CDH4: variants seen among roughly 807,000 people sequenced by gnomAD.
CDH4 encodes the protein cadherin-4.
In CDH4, 33 loss-of-function variants were observed where a neutral mutation model predicts 86.0. That is an observed-to-expected ratio of 0.38 (90% confidence interval 0.29 to 0.51). CDH4 has a LOEUF of 0.51. Among genes scored for constraint, CDH4 ranks in the 20% least tolerant of loss-of-function variants. The pLI, the probability that CDH4 is intolerant of heterozygous loss-of-function variation, is 0.86. For missense variants in CDH4, 1,114 were observed against 1,307.4 expected (o/e 0.85, Z 2.28); for synonymous variants, 555 against 549.4 (o/e 1.01, Z -0.14).
At chr20:61,786,476 G>A (rs889237365) in intron 4 of CDH4, among the ~76,000 whole-genome samples, 1 of 152,124 alleles carries the variant, frequency 6.6e-6, no homozygotes, top group Non-Finnish European at 1.5e-5. Flanking sequence ...GGGTTGTGTG[G>A]TTTAATTGCT....
chr20:61,484,244 A>G (rs1222879080), intron 2 of CDH4, among the ~76,000 whole-genome samples: 2 of 152,142 alleles, frequency 1.3e-5, no homozygotes, highest in African/African-American at 2.4e-5. Context: ...CCACCATGCC[A>G]TGTACATTCC....
At chr20:61,897,514 C>A (rs1388878288) in intron 8 of CDH4, among the ~76,000 whole-genome samples, 1 of 151,988 alleles carries the variant, frequency 6.6e-6, no homozygotes, top group Non-Finnish European at 1.5e-5. Context: ...CACTAACCAA[C>A]ACTGACCAGC....
intron 2 of CDH4, among the ~76,000 whole-genome samples, chr20:61,487,753 T>A (rs2085604349): frequency 1.3e-5 from 2 of 152,190 alleles, no homozygotes; most frequent in Admixed American, 1.3e-4. Flanking sequence ...AAGCCCAACA[T>A]CTGGGTCTCC....
intron 2 of CDH4, among the ~76,000 whole-genome samples, chr20:61,473,441 G>A (rs865842715): frequency 7.2e-5 from 11 of 152,092 alleles, no homozygotes; most frequent in Non-Finnish European, 8.8e-5. Flanking sequence ...GAGCTTACGA[G>A]CCCCTCCAAT....
intron 2 of CDH4, among the ~76,000 whole-genome samples, chr20:61,279,778 C>T (rs2084248880): frequency 6.6e-6 from 1 of 152,216 alleles, no homozygotes; most frequent in African/African-American, 2.4e-5. Flanking sequence ...GTGCACCAAG[C>T]ACAGCACATC....
At chr20:61,361,488 AACAG>A (rs2084782896) in intron 2 of CDH4, among the ~76,000 whole-genome samples, 1 of 152,192 alleles carries the variant, frequency 6.6e-6, no homozygotes, top group South Asian at 2.1e-4. Context: ...CAGTGATCAA[AACAG>A]ACAACCAGAC....
rs1413920529 is a variant in CDH4, at chr20:61,355,303, T to C, written c.169+100366T>C. On this transcript the variant is annotated intron_variant, in intron 2 of 15. Coordinates refer to ENST00000614565, the MANE Select transcript of CDH4 (RefSeq NM_001794.5). The stretch of plus-strand genomic sequence containing the variant: ...AGGAACCGGACTCTCATTCCGCCTC[T>C]GCTGGCACAAAACTGTGGACTTAGA... Among the ~76,000 whole-genome samples the C allele has an allele frequency of 1.2e-4, 19 of 152,196 alleles. 1 individual carries two copies. The highest frequency in any genetic ancestry group is 1.2e-3 in the Admixed American group (19 of 15,280).
At chr20:61,893,060 G>A (rs114709673) in intron 7 of CDH4, among the ~76,000 whole-genome samples, 2,950 of 146,912 alleles carry the variant, frequency 0.02, 58 homozygotes, top group African/African-American at 0.05. Flanking sequence ...TGAATAGAGA[G>A]ATAGATGGAT....
intron 12 of CDH4, 55 bp downstream of exon 12, chr20:61,928,478 T>G: frequency 2.0e-6 from 3 of 1,493,406 alleles, no homozygotes; most frequent in Non-Finnish European, 2.8e-6. Context: ...TGCAGGCCCC[T>G]GGGAGACCCA....
At chr20:61,483,108 G>A (rs2145580822) in intron 2 of CDH4, among the ~76,000 whole-genome samples, 1 of 152,322 alleles carries the variant, frequency 6.6e-6, no homozygotes, top group Admixed American at 6.5e-5. Flanking sequence ...TCTTCCCCCT[G>A]GAGCTGCTGA....
At chr20:61,347,814 T>G (rs2084688598) in intron 2 of CDH4, among the ~76,000 whole-genome samples, 2 of 152,232 alleles carry the variant, frequency 1.3e-5, no homozygotes, top group Admixed American at 6.5e-5. Context: ...CAACTTCAGC[T>G]GATTTGAATT....
intron 7 of CDH4, among the ~76,000 whole-genome samples, chr20:61,874,479 C>G (rs1983935810): frequency 6.6e-6 from 1 of 152,176 alleles, no homozygotes; most frequent in Admixed American, 6.5e-5. Flanking sequence ...GTGACAGAGG[C>G]CTCCCTCCAC....
chr20:61,326,382 A>G lies in CDH4; in HGVS notation c.169+71445A>G, dbSNP rs542619577. Reference sequence around the variant, plus strand: ...AAAATGTTATTTTATGAAATACACAACACTCTTTCCAATATGTTGTGTGGC... The same window carrying G: ...AAAATGTTATTTTATGAAATACACAGCACTCTTTCCAATATGTTGTGTGGC... On this transcript the variant is annotated intron_variant, in intron 2 of 15. Transcript: ENST00000614565. 3.3e-5 allele frequency among the ~76,000 whole-genome samples: 5 copies of G among 152,382 alleles called. No individual in the cohort carries two copies. In the South Asian group the frequency reaches 8.3e-4, roughly 25 times the overall value.
At chr20:61,567,272 CTATT>C (rs1201280324) in intron 2 of CDH4, among the ~76,000 whole-genome samples, 1 of 152,216 alleles carries the variant, frequency 6.6e-6, no homozygotes, top group Non-Finnish European at 1.5e-5. Context: ...TTACCTTAGT[CTATT>C]TAGGCTGCTA....
intron 8 of CDH4, among the ~76,000 whole-genome samples, chr20:61,896,280 GGTCA>G (rs1318525244): frequency 4.6e-5 from 7 of 152,178 alleles, no homozygotes; most frequent in Non-Finnish European, 8.8e-5. Context: ...GAAGGGATGG[GGTCA>G]GGAGGGAGAC....
chr20:61,925,113 A>G (rs1344924197), intron 11 of CDH4, among the ~76,000 whole-genome samples: 2 of 152,352 alleles, frequency 1.3e-5, no homozygotes, highest in East Asian at 3.9e-4. Flanking sequence ...CAGGCGGCAC[A>G]GCAGACGACC....
intron 2 of CDH4, among the ~76,000 whole-genome samples, chr20:61,545,299 T>C (rs2086069729): frequency 6.6e-6 from 1 of 152,248 alleles, no homozygotes; most frequent in Non-Finnish European, 1.5e-5. Flanking sequence ...TGCGTACATT[T>C]GGGAAGTGGC....
In CDH4 at chr20:61,798,847, G is replaced by A. The variant is rs141523462; in HGVS notation, c.576+25665G>A. Among the ~76,000 whole-genome samples the A allele has an allele frequency of 1.9e-4, 29 of 152,328 alleles. No individual in the cohort carries two copies. The East Asian group carries it at 5.6e-3, about 29-fold the overall frequency. On this transcript the variant is annotated intron_variant, in intron 4 of 15. Coordinates refer to ENST00000614565, the MANE Select transcript of CDH4 (RefSeq NM_001794.5). The stretch of plus-strand genomic sequence containing the variant: ...CAGCCAGGACACGGCGCTGGTCCCA[G>A]TCTCATTAGCTCACGTCGATGCGTC...
Position 61,934,203 on chromosome 20 carries a change from G to A in CDH4, c.2527G>A (p.Gly843Ser), listed in dbSNP as rs145965465. 2.0e-4 allele frequency: 321 copies of A among 1,568,594 alleles called. No homozygotes were observed. The highest frequency in any genetic ancestry group is 2.6e-4 in the Non-Finnish European group (296 of 1,152,628). The change falls in exon 15 of 16, where the codon GGT becomes AGT. Residue 843 changes from glycine to serine, a missense_variant. By Grantham distance (56) the Gly-to-Ser change is moderately conservative. Around this residue, in one of 3 missense-constraint regions of CDH4, gnomAD observed 188 missense variants for 183.8 expected, o/e 1.02. Coordinates refer to ENST00000614565, the MANE Select transcript of CDH4 (RefSeq NM_001794.5). ...RPMVPHPGDI[G>S]DFINEGLRAA... Reference sequence around the variant, plus strand: ...CATGGTGCCGCACCCAGGCGACATCGGTGACTTCATCAATGAGGTGTGTGC... The same window carrying A: ...CATGGTGCCGCACCCAGGCGACATCAGTGACTTCATCAATGAGGTGTGTGC...
Sources: allele counts gnomAD v4.1 joint callset (sites outside exome capture counted in the v4.1 genomes callset), GRCh38; gene constraint gnomAD v4.1.1; regional missense constraint gnomAD v4.1.1; transcripts MANE v1.5; gene names NCBI Gene and HGNC (gene_info 2026-07-23, HGNC 2026-07-21).